BMPR2: variants seen among roughly 807,000 people sequenced by gnomAD.
BMPR2 encodes the protein bone morphogenetic protein receptor type-2.
Under a neutral mutation model 100.8 loss-of-function variants are expected in BMPR2, and 29 were observed. The ratio of observed to expected loss-of-function variants is 0.29; its 90% CI spans 0.21 to 0.39. The LOEUF is 0.39. BMPR2 is among the 10% of genes least tolerant of loss of function. BMPR2 has a pLI of 1.00. For synonymous variants in BMPR2, 382 were observed against 442.3 expected (o/e 0.86, Z 1.71); for missense variants, 1,011 against 1,274.5 (o/e 0.79, Z 3.15).
intron 9 of BMPR2, among the ~76,000 whole-genome samples, chr2:202,535,503 C>T (rs1299432017): frequency 2.0e-5 from 3 of 150,486 alleles, no homozygotes; most frequent in South Asian, 2.1e-4. Flanking sequence ...CGGGCAGAGA[C>T]GCTCCTCACT....
chr2:202,395,624 A>G (rs1690642682), intron 1 of BMPR2, among the ~76,000 whole-genome samples: 1 of 152,238 alleles, frequency 6.6e-6, no homozygotes, highest in Admixed American at 6.5e-5. Flanking sequence ...ACTGTGGCTG[A>G]ACAGGTAGGG....
intron 3 of BMPR2, among the ~76,000 whole-genome samples, chr2:202,483,448 C>A (rs1043149049): frequency 6.6e-6 from 1 of 151,542 alleles, no homozygotes; most frequent in Non-Finnish European, 1.5e-5. Flanking sequence ...ATGGTGTCAT[C>A]TCAGCTCACT....
chr2:202,470,667 G>C (rs944609201), intron 3 of BMPR2, among the ~76,000 whole-genome samples: 3 of 151,678 alleles, frequency 2.0e-5, no homozygotes, highest in Non-Finnish European at 4.4e-5. Flanking sequence ...GGGAGGCTGA[G>C]GCAGGAGAAT....
At chr2:202,494,421 G>A (rs1312640865) in intron 3 of BMPR2, among the ~76,000 whole-genome samples, 1 of 152,216 alleles carries the variant, frequency 6.6e-6, no homozygotes, top group Non-Finnish European at 1.5e-5. Context: ...CAAAAGCTGA[G>A]TGTAGCAAGG....
At chr2:202,435,376 C>CATACATATATATATATATATATAT (rs1553500538) in intron 1 of BMPR2, among the ~76,000 whole-genome samples, 2 of 103,450 alleles carry the variant, frequency 1.9e-5, no homozygotes, top group African/African-American at 8.4e-5. Flanking sequence ...AAAAAAAATA[C>CATACATATATATATATATATATAT]ATATATATAT....
At chr2:202,418,480 C>G (rs1691184013) in intron 1 of BMPR2, among the ~76,000 whole-genome samples, 1 of 152,156 alleles carries the variant, frequency 6.6e-6, no homozygotes. Flanking sequence ...ACCAAGGGCC[C>G]ATGACACAGC....
intron 1 of BMPR2, among the ~76,000 whole-genome samples, chr2:202,391,196 G>A (rs1364441311): frequency 1.3e-5 from 2 of 151,700 alleles, no homozygotes; most frequent in East Asian, 3.9e-4. Flanking sequence ...GGCTGGTCTC[G>A]AACTCCTGAC....
intron 1 of BMPR2, among the ~76,000 whole-genome samples, chr2:202,407,405 A>G (rs1436979570): frequency 6.6e-6 from 1 of 152,038 alleles, no homozygotes; most frequent in African/African-American, 2.4e-5. Context: ...CTTCATGCGT[A>G]TATTTGTTTT....
chr2:202,507,579 A>G (rs1687545059), intron 3 of BMPR2, among the ~76,000 whole-genome samples: 1 of 151,796 alleles, frequency 6.6e-6, no homozygotes, highest in Admixed American at 6.6e-5. Context: ...TGTAGAGACA[A>G]AGTCTTGCTC....
intron 1 of BMPR2, among the ~76,000 whole-genome samples, chr2:202,426,503 A>G (rs1440708376): frequency 7.4e-6 from 1 of 135,392 alleles, no homozygotes; most frequent in South Asian, 2.5e-4. Context: ...TGGGAGGTGG[A>G]GGTTGCAGTG....
At chr2:202,403,189 C>T (rs574036648) in intron 1 of BMPR2, among the ~76,000 whole-genome samples, 4 of 125,002 alleles carry the variant, frequency 3.2e-5, no homozygotes, top group South Asian at 3.1e-4. Flanking sequence ...CCCCTCCCCT[C>T]CCCTCCCCTC....
At chr2:202,548,634 G>A (rs1430351598) in intron 10 of BMPR2, among the ~76,000 whole-genome samples, 1 of 152,010 alleles carries the variant, frequency 6.6e-6, no homozygotes, top group Non-Finnish European at 1.5e-5. Context: ...TCCAACTTAC[G>A]TTTTCCTTCC....
chr2:202,528,532 C>A (rs1687960804), intron 7 of BMPR2, among the ~76,000 whole-genome samples: 1 of 152,198 alleles, frequency 6.6e-6, no homozygotes, highest in Admixed American at 6.5e-5. Context: ...GAAAAAAGAT[C>A]ATAAGTTAGA....
intron 2 of BMPR2, among the ~76,000 whole-genome samples, chr2:202,465,234 C>G (rs759483734): frequency 3.0e-4 from 46 of 151,838 alleles, no homozygotes; most frequent in Non-Finnish European, 5.9e-4. Flanking sequence ...ACTAAAAATA[C>G]AAAAATTAGT....
intron 1 of BMPR2, among the ~76,000 whole-genome samples, chr2:202,387,937 T>C (rs895065426): frequency 6.6e-6 from 1 of 152,238 alleles, no homozygotes; most frequent in Admixed American, 6.5e-5. Context: ...ATGTTACTTA[T>C]TCAAACAGAG....
chr2:202,427,887 G>A (rs12466376), intron 1 of BMPR2, among the ~76,000 whole-genome samples: 18,069 of 152,128 alleles, frequency 0.12, 1,189 homozygotes, highest in Admixed American at 0.14. Context: ...CGAGGGGTGG[G>A]AGGATCACTT....
intron 1 of BMPR2, among the ~76,000 whole-genome samples, chr2:202,392,519 T>G (rs1690570520): frequency 6.6e-6 from 1 of 152,206 alleles, no homozygotes; most frequent in African/African-American, 2.4e-5. Context: ...AATATACTTC[T>G]GCGGACATGT....
At chr2:202,474,413 A>G (rs1459998047) in intron 3 of BMPR2, among the ~76,000 whole-genome samples, 1 of 152,040 alleles carries the variant, frequency 6.6e-6, no homozygotes, top group Non-Finnish European at 1.5e-5. Flanking sequence ...GTAAGCTGAG[A>G]TCGTGCCACT....
At position 202,435,435 on chromosome 2, in the gene BMPR2, C is replaced by T. The variant is rs1442998264; in HGVS notation, c.77-29374C>T. On this transcript the variant is annotated intron_variant, in intron 1 of 12. Transcript: ENST00000374580. ...TTTTTGTACAGTTATACAGTATGTT[C>T]GTGTTTTAAGCTAAGTGTTTTATTA... 5.6e-5 allele frequency among the ~76,000 whole-genome samples: 7 copies of T among 125,460 alleles called. 1 individual carries two copies. The highest frequency in any genetic ancestry group is 2.4e-4 in the South Asian group (1 of 4,146). The allele number at this position is 125,460 out of a possible 152,430, so 82.3% of individuals were successfully genotyped here.
Sources: allele counts gnomAD v4.1 joint callset (sites outside exome capture counted in the v4.1 genomes callset), GRCh38; gene constraint gnomAD v4.1.1; transcripts MANE v1.5; gene names NCBI Gene and HGNC (gene_info 2026-07-23, HGNC 2026-07-21).